Variants in FAM151B observed in about 807,000 individuals in gnomAD.
FAM151B encodes protein FAM151B.
Under a neutral mutation model 31.2 loss-of-function variants are expected in FAM151B, and 24 were observed. The observed-to-expected ratio is 0.77, with a 90% CI of 0.56 to 1.08. The LOEUF is 1.08. Among genes scored for constraint, FAM151B ranks in the 50% least tolerant of loss-of-function variants. FAM151B has a pLI of 0.00. For missense variants in FAM151B, 293 were observed against 328.6 expected (o/e 0.89, Z 0.84); for synonymous variants, 105 against 111.4 (o/e 0.94, Z 0.36).
rs372865482 is a variant in FAM151B, at chr5:80,519,905, A to G, written c.530A>G (p.Asn177Ser). The G allele has an allele frequency of 1.4e-5, 23 of 1,612,540 alleles. No individual in the cohort carries two copies. The highest frequency in any genetic ancestry group is 5.5e-5 in the South Asian group (5 of 91,006). ...WTTGWHPEKV[N>S]EGYSWTMVKE... ...ACAGGATGGCATCCTGAGAAAGTCA[A>G]TGAAGGTAATAATTCTAATAATGTA... is the stretch of plus-strand genomic sequence containing the variant. The change falls in exon 4 of 6, where the codon AAT (asparagine) becomes AGT (serine). Residue 177 changes from asparagine (N) to serine (S), a missense_variant. Transcript: ENST00000282226.
intron 5 of FAM151B, among the ~76,000 whole-genome samples, chr5:80,534,492 T>G (rs912552452): frequency 6.6e-6 from 1 of 152,082 alleles, no homozygotes; most frequent in African/African-American, 2.4e-5. Flanking sequence ...ATTAACAGCG[T>G]GAAGGACAAA....
intron 5 of FAM151B, among the ~76,000 whole-genome samples, chr5:80,534,068 A>G (rs1745379289): frequency 6.6e-6 from 1 of 152,160 alleles, no homozygotes; most frequent in Non-Finnish European, 1.5e-5. Context: ...GAAGAGATCT[A>G]AAATCTGAAC....
chr5:80,496,011 T>C (rs1743525293), intron 1 of FAM151B, among the ~76,000 whole-genome samples: 3 of 152,204 alleles, frequency 2.0e-5, no homozygotes, highest in Admixed American at 2.0e-4. Context: ...CTGGTGAAGA[T>C]GCTGTGAACA....
intron 5 of FAM151B, among the ~76,000 whole-genome samples, chr5:80,541,400 G>A (rs1745881502): frequency 6.6e-6 from 1 of 152,154 alleles, no homozygotes; most frequent in African/African-American, 2.4e-5. Flanking sequence ...CATTTCCCAT[G>A]CCACTCATCT....
chr5:80,522,363 T>C (rs1744759644), intron 5 of FAM151B: 1 of 396,564 alleles, frequency 2.5e-6, no homozygotes, highest in East Asian at 3.6e-5. Context: ...CTCACAAAAG[T>C]TTTTGTACAT....
intron 1 of FAM151B, among the ~76,000 whole-genome samples, chr5:80,496,097 T>C (rs929806666): frequency 6.6e-6 from 1 of 152,212 alleles, no homozygotes; most frequent in Admixed American, 6.5e-5. Context: ...TTTGAGAGAA[T>C]TGACTCTCAT....
chr5:80,521,740 G>A (rs1744731035), intron 4 of FAM151B, among the ~76,000 whole-genome samples: 1 of 152,094 alleles, frequency 6.6e-6, no homozygotes, highest in Non-Finnish European at 1.5e-5. Flanking sequence ...GTGCTTGAGA[G>A]ATTAGTAAAA....
intron 1 of FAM151B, among the ~76,000 whole-genome samples, chr5:80,493,904 C>T (rs927629806): frequency 7.2e-5 from 11 of 152,154 alleles, no homozygotes; most frequent in African/African-American, 2.7e-4. Flanking sequence ...GTTCATACAC[C>T]CCCTCCCCTT....
At position 80,538,514 on chromosome 5, in the gene FAM151B, TTCCTTCCTTCC is replaced by T. The variant is rs1561384000; in HGVS notation, c.672-3157_672-3147del. Among the ~76,000 whole-genome samples the T allele has an allele frequency of 2.8e-4, 4 of 14,496 alleles. 1 individual carries two copies. Among genetic ancestry groups the T allele is most frequent in the African/African-American group, 1.8e-3 (3 of 1,628 alleles). 9.5% of individuals were successfully genotyped at this position (14,496 alleles called of 152,430 possible). A position where few individuals can be genotyped will look rare whatever the true frequency, so the allele number is the denominator to read the frequency against. On this transcript the variant is annotated intron_variant, in intron 5 of 5. Transcript: ENST00000282226. The stretch of plus-strand genomic sequence containing the variant: ...TCCTTCCTTCCTTTCTTTTCTTTCT[TTCCTTCCTTCC>T]TTCCTTCCTTCCTTCCTTCCTTCCT...
intron 5 of FAM151B, among the ~76,000 whole-genome samples, chr5:80,536,037 TATC>T (rs1745489756): frequency 6.6e-6 from 1 of 152,182 alleles, no homozygotes. Flanking sequence ...TACGATGAGA[TATC>T]ATCACACCCC....
chr5:80,498,352 G>A (rs763023638), intron 1 of FAM151B, among the ~76,000 whole-genome samples: 1 of 152,024 alleles, frequency 6.6e-6, no homozygotes, highest in African/African-American at 2.4e-5. Context: ...GCAGCCCAGC[G>A]TTAGAAGTGA....
At chr5:80,511,770 C>A (rs1744199320) in intron 2 of FAM151B, among the ~76,000 whole-genome samples, 1 of 152,056 alleles carries the variant, frequency 6.6e-6, no homozygotes, top group African/African-American at 2.4e-5. Flanking sequence ...CCACACTTGG[C>A]TAAATTTTGA....
intron 5 of FAM151B, among the ~76,000 whole-genome samples, chr5:80,531,135 GA>G (rs1745225690): frequency 6.6e-6 from 1 of 152,184 alleles, no homozygotes; most frequent in African/African-American, 2.4e-5. Flanking sequence ...AAGAAATGGG[GA>G]AAGGATTCCC....
At chr5:80,521,273 C>T (rs1744704284) in intron 4 of FAM151B, among the ~76,000 whole-genome samples, 1 of 151,186 alleles carries the variant, frequency 6.6e-6, no homozygotes, top group African/African-American at 2.4e-5. Context: ...CACAGGCATA[C>T]ACCATCACAC....
At chr5:80,525,920 GATGACCTGTATATACTAGGAGTATTTAT>G (rs1744941945) in intron 5 of FAM151B, among the ~76,000 whole-genome samples, 10 of 151,466 alleles carry the variant, frequency 6.6e-5, no homozygotes, top group Admixed American at 2.6e-4. Flanking sequence ...GGTGTATTTA[GATGACCTGTATATACTAGGAGTATTTAT>G]ATTTTTATAC....
At chr5:80,489,561 C>T (rs1743233977) in intron 1 of FAM151B, among the ~76,000 whole-genome samples, 1 of 152,202 alleles carries the variant, frequency 6.6e-6, no homozygotes, top group African/African-American at 2.4e-5. Flanking sequence ...GCAAGGTTTA[C>T]AAAATCTTGG....
chr5:80,536,677 A>G (rs1580460056), intron 5 of FAM151B, among the ~76,000 whole-genome samples: 1 of 152,224 alleles, frequency 6.6e-6, no homozygotes, highest in East Asian at 1.9e-4. Flanking sequence ...AGATTAAAGT[A>G]TATATATTGT....
intron 1 of FAM151B, chr5:80,500,489 G>T: frequency 1.3e-6 from 1 of 781,458 alleles, no homozygotes; most frequent in South Asian, 1.4e-5. Flanking sequence ...CTGTGAAAAA[G>T]CAAAACACTG....
At position 80,513,779 on chromosome 5, in the gene FAM151B, T is replaced by C; in HGVS notation, c.317+10T>C. On this transcript the variant is annotated intron_variant, in intron 3 of 5. Transcript: ENST00000282226. ...AGCTGGATTTCAAAAGGTATTTGTA[T>C]AAACACGTTCAATTTTCTGGGAAAA... The C allele has an allele frequency of 6.3e-7, 1 of 1,594,418 alleles. No individual in the cohort carries two copies. The highest frequency in any genetic ancestry group is 8.5e-7 in the Non-Finnish European group (1 of 1,172,360).
Sources: gnomAD v4.1 joint callset for allele counts (sites outside exome capture counted in the v4.1 genomes callset) on GRCh38, gnomAD v4.1.1 for gene constraint, MANE v1.5 for transcripts, NCBI Gene and HGNC (gene_info 2026-07-23, HGNC 2026-07-21) for gene names.